Variants in SGMS1 observed in about 807,000 individuals in gnomAD.
SGMS1 encodes the protein sphingomyelin synthase 1.
A neutral mutation model predicts 46.2 loss-of-function variants in SGMS1; 13 were observed. The ratio of observed to expected loss-of-function variants is 0.28; its 90% CI spans 0.18 to 0.45. The LOEUF (loss-of-function observed/expected upper bound fraction) is 0.45. SGMS1 is among the 20% of genes least tolerant of loss of function. The pLI, the probability that SGMS1 is intolerant of heterozygous loss-of-function variation, is 1.00. For synonymous variants in SGMS1, 203 were observed against 187.8 expected (o/e 1.08, Z -0.66); for missense variants, 324 against 519.9 (o/e 0.62, Z 3.66).
chr10:50,320,126 A>AT (rs1847416383), intron 8 of SGMS1, among the ~76,000 whole-genome samples: 1 of 152,166 alleles, frequency 6.6e-6, no homozygotes, highest in Admixed American at 6.6e-5. Context: ...TTCATACCAG[A>AT]TGGCTTCTGC....
Position 50,567,005 on chromosome 10 carries a change from G to A in SGMS1, c.-589+23148C>T, listed in dbSNP as rs556477576. On this transcript the variant is annotated intron_variant, in intron 2 of 10. Coordinates refer to ENST00000361781, the MANE Select transcript of SGMS1 (RefSeq NM_147156.4). The stretch of plus-strand genomic sequence containing the variant: ...TCTGTTGCCTGGGCTGGAGGGCAGT[G>A]GCGCGATCTTGGCTCACTGCAATCT... 9.9e-5 allele frequency among the ~76,000 whole-genome samples: 15 copies of A among 152,250 alleles called. No homozygotes were observed. The South Asian group carries it at 2.1e-3, about 21-fold the overall frequency.
chr10:50,444,841 A>G (rs1026400156), intron 5 of SGMS1, among the ~76,000 whole-genome samples: 1 of 152,176 alleles, frequency 6.6e-6, no homozygotes, highest in South Asian at 2.1e-4. Flanking sequence ...ACAAAATACT[A>G]CCAATAAAAG....
intron 2 of SGMS1, among the ~76,000 whole-genome samples, chr10:50,539,823 A>G (rs1293713092): frequency 1.3e-5 from 2 of 152,246 alleles, no homozygotes; most frequent in East Asian, 3.8e-4. Context: ...TCCAATGGAA[A>G]CAAGAAATCA....
chr10:50,543,927 C>T (rs139317566), intron 2 of SGMS1, among the ~76,000 whole-genome samples: 94 of 152,262 alleles, frequency 6.2e-4, no homozygotes, highest in Non-Finnish European at 1.1e-3. Context: ...ATACGAAGAA[C>T]GTAGTGCTAC....
intron 1 of SGMS1, among the ~76,000 whole-genome samples, chr10:50,610,546 T>C (rs1838740413): frequency 1.3e-5 from 2 of 152,034 alleles, no homozygotes; most frequent in Admixed American, 1.3e-4. Context: ...GTTTCTAAAA[T>C]CAAAGTGAGA....
intron 2 of SGMS1, among the ~76,000 whole-genome samples, chr10:50,577,933 C>T (rs1374637628): frequency 1.3e-5 from 2 of 152,156 alleles, no homozygotes; most frequent in Non-Finnish European, 2.9e-5. Flanking sequence ...CCAGAAATGA[C>T]CATGTTGGTT....
chr10:50,544,420 T>C (rs16905719), intron 2 of SGMS1, among the ~76,000 whole-genome samples: 1,527 of 152,368 alleles, frequency 0.01, 31 homozygotes, highest in African/African-American at 0.035. Context: ...CAGGACATTA[T>C]CTTGCTTCGG....
intron 2 of SGMS1, among the ~76,000 whole-genome samples, chr10:50,586,257 G>T (rs1194510569): frequency 6.6e-6 from 1 of 152,164 alleles, no homozygotes; most frequent in Non-Finnish European, 1.5e-5. Flanking sequence ...AGAGTTTGTT[G>T]GGTTGATATT....
chr10:50,378,199 G>T (rs1267653044), intron 6 of SGMS1, among the ~76,000 whole-genome samples: 1 of 152,160 alleles, frequency 6.6e-6, no homozygotes, highest in African/African-American at 2.4e-5. Flanking sequence ...TCCTGGAAAA[G>T]TCTTTCACAC....
At chr10:50,469,891 G>A (rs1341175594) in intron 3 of SGMS1, among the ~76,000 whole-genome samples, 2 of 152,186 alleles carry the variant, frequency 1.3e-5, no homozygotes. Flanking sequence ...CAAGGCATTG[G>A]CAAGCTCCCA....
intron 2 of SGMS1, among the ~76,000 whole-genome samples, chr10:50,531,123 A>G (rs1837949164): frequency 6.6e-6 from 1 of 152,192 alleles, no homozygotes; most frequent in Admixed American, 6.5e-5. Flanking sequence ...CTACTTCACT[A>G]TTCAGAAAGT....
At chr10:50,528,774 A>T (rs1362284636) in intron 2 of SGMS1, among the ~76,000 whole-genome samples, 1 of 152,162 alleles carries the variant, frequency 6.6e-6, no homozygotes, top group Non-Finnish European at 1.5e-5. Context: ...GTGAGAGAAT[A>T]GCTTGAGCCC....
Position 50,448,398 on chromosome 10 carries a change from C to T in SGMS1, c.-313+12275G>A, listed in dbSNP as rs576684082. Among the ~76,000 whole-genome samples, 9 of 152,116 alleles carry T rather than the reference C, an allele frequency of 5.9e-5. No homozygotes were observed. The South Asian group carries it at 1.7e-3, about 28-fold the overall frequency. Reference sequence around the variant, plus strand: ...CAATCTATTGTGATACCATATACAGCCTCTGGAAAACTCTATTGCACACTA... The same window carrying T: ...CAATCTATTGTGATACCATATACAGTCTCTGGAAAACTCTATTGCACACTA... On this transcript the variant is annotated intron_variant, in intron 5 of 10. Transcript: ENST00000361781.
chr10:50,469,685 A>T (rs1837361668), intron 3 of SGMS1, among the ~76,000 whole-genome samples: 1 of 152,030 alleles, frequency 6.6e-6, no homozygotes, highest in Non-Finnish European at 1.5e-5. Context: ...TGGTGGGGGG[A>T]GTGTGGTACA....
At chr10:50,390,506 C>T (rs910305815) in intron 6 of SGMS1, among the ~76,000 whole-genome samples, 6 of 152,268 alleles carry the variant, frequency 3.9e-5, no homozygotes, top group East Asian at 1.9e-4. Context: ...TAGCACACAC[C>T]TGTAGTCTGT....
At chr10:50,462,095 C>A (rs766548602) in intron 4 of SGMS1, among the ~76,000 whole-genome samples, 53 of 151,880 alleles carry the variant, frequency 3.5e-4, no homozygotes, top group Non-Finnish European at 6.9e-4. Context: ...GACCTCATAT[C>A]TACAAAAAGA....
Position 50,352,980 on chromosome 10 carries a change from T to C in SGMS1, c.-231-8635A>G, listed in dbSNP as rs1446730304. Among the ~76,000 whole-genome samples, 6 of 151,620 alleles carry C rather than the reference T, an allele frequency of 4.0e-5. No homozygotes were observed. In the East Asian group the frequency reaches 9.7e-4, roughly 25 times the overall value. ...CAACCAAAAAAAGTCCAGGACCAGATGGATTCACAGCCGAATTCTACCAGA... is the reference window on the plus strand; with the variant it reads ...CAACCAAAAAAAGTCCAGGACCAGACGGATTCACAGCCGAATTCTACCAGA... On this transcript the variant is annotated intron_variant, in intron 6 of 10. Transcript: ENST00000361781.
upstream of SGMS1, chr10:50,624,519 T>C (rs1838896733): frequency 8.9e-6 from 8 of 902,194 alleles, no homozygotes; most frequent in Non-Finnish European, 1.1e-5. Flanking sequence ...TGGCGACGCC[T>C]GGGAGCGCGA....
chr10:50,613,934 T>G (rs1838773424), intron 1 of SGMS1, among the ~76,000 whole-genome samples: 1 of 152,210 alleles, frequency 6.6e-6, no homozygotes, highest in Admixed American at 6.5e-5. Context: ...TCGTGGCAGC[T>G]GGAGGAAAGC....
Sources: gnomAD v4.1 joint callset for allele counts (sites outside exome capture counted in the v4.1 genomes callset) on GRCh38, gnomAD v4.1.1 for gene constraint, MANE v1.5 for transcripts, NCBI Gene and HGNC (gene_info 2026-07-23, HGNC 2026-07-21) for gene names.